The following ANKRD13C variants were observed in gnomAD, a reference collection of about 807,000 sequenced individuals.
ANKRD13C encodes the protein ankyrin repeat domain-containing protein 13C.
Under a neutral mutation model 65.5 loss-of-function variants are expected in ANKRD13C, and 16 were observed. The ratio of observed to expected loss-of-function variants is 0.24; its 90% CI spans 0.17 to 0.37. The LOEUF is 0.37. Ranked by LOEUF, ANKRD13C falls within the 10% of genes least tolerant of loss-of-function variation. The pLI is 1.00. For missense variants in ANKRD13C, 503 were observed against 655.9 expected, an observed-to-expected ratio of 0.77 and a Z score of 2.55; for synonymous variants, 235 against 238.7, an observed-to-expected ratio of 0.98 and a Z score of 0.14.
At chr1:70,312,450 G>A (rs1325710981) in intron 5 of ANKRD13C, among the ~76,000 whole-genome samples, 4 of 151,074 alleles carry the variant, frequency 2.6e-5, no homozygotes, top group Non-Finnish European at 4.4e-5. Flanking sequence ...AGCACTGGAT[G>A]GGGCTAAGTA....
chr1:70,332,421 G>A (rs1681854750), intron 2 of ANKRD13C, among the ~76,000 whole-genome samples: 1 of 152,052 alleles, frequency 6.6e-6, no homozygotes, highest in East Asian at 1.9e-4. Flanking sequence ...TTTTTCTCCT[G>A]TACTTCAATG....
intron 9 of ANKRD13C, among the ~76,000 whole-genome samples, chr1:70,282,413 A>C (rs748452906): frequency 1.3e-5 from 2 of 152,164 alleles, no homozygotes; most frequent in Non-Finnish European, 2.9e-5. Flanking sequence ...GGCAGAGAAG[A>C]CAAAAGAAAA....
At chr1:70,312,123 TAAC>T (rs1035505375) in intron 5 of ANKRD13C, among the ~76,000 whole-genome samples, 87 of 152,290 alleles carry the variant, frequency 5.7e-4, no homozygotes, top group African/African-American at 2.0e-3. Context: ...TTAGAAGAAA[TAAC>T]AAGTATAATT....
In ANKRD13C at chr1:70,262,158, T is replaced by C. The variant is rs1009396190; in HGVS notation, c.*559A>G. On this transcript the variant is annotated 3_prime_UTR_variant, in exon 13 of 13. Coordinates refer to ENST00000370944, the MANE Select transcript of ANKRD13C (RefSeq NM_030816.5). ...ATTTGGTTCATTCATCTACAGAAAATTGCATTCCTTCTAGTTCATTATATT... is the reference window on the plus strand; with the variant it reads ...ATTTGGTTCATTCATCTACAGAAAACTGCATTCCTTCTAGTTCATTATATT... The C allele has an allele frequency of 2.6e-5, 4 of 152,568 alleles. No individual in the cohort carries two copies. In the East Asian group the frequency reaches 5.8e-4, roughly 22 times the overall value. The allele number at this position is 152,568 out of a possible 1,614,324, so 9.5% of individuals were successfully genotyped here.
chr1:70,274,858 A>G (rs1178852821), intron 10 of ANKRD13C, 40 bp from the exon 11 acceptor site: 4 of 1,253,644 alleles, frequency 3.2e-6, no homozygotes, highest in African/African-American at 3.0e-5. Context: ...AACTTTTTCC[A>G]TAGTCTATCA....
intron 3 of ANKRD13C, among the ~76,000 whole-genome samples, chr1:70,318,679 G>GTTTTTTTTTTTTTTTTTTTTTTTTT (rs11337993): frequency 1.1e-5 from 1 of 94,210 alleles, no homozygotes; most frequent in Non-Finnish European, 2.0e-5. Context: ...ATCAATCTTT[G>GTTTTTTTTTTTTTTTTTTTTTTTTT]TTTTTTTTTT....
chr1:70,341,468 T>C (rs1478801255), intron 1 of ANKRD13C, among the ~76,000 whole-genome samples: 3 of 151,520 alleles, frequency 2.0e-5, no homozygotes, highest in Non-Finnish European at 4.4e-5. Context: ...TTCAAGCGAT[T>C]CTCCTGCCTC....
At chr1:70,272,154 G>T (rs1678909575) in intron 11 of ANKRD13C, among the ~76,000 whole-genome samples, 1 of 149,076 alleles carries the variant, frequency 6.7e-6, no homozygotes. Flanking sequence ...GGCATTTATA[G>T]GTAATTTTCT....
intron 9 of ANKRD13C, among the ~76,000 whole-genome samples, chr1:70,288,781 A>T (rs987385718): frequency 1.3e-5 from 2 of 152,220 alleles, no homozygotes; most frequent in African/African-American, 4.8e-5. Flanking sequence ...AAAGAGGTAC[A>T]TGAGGGATCG....
intron 2 of ANKRD13C, among the ~76,000 whole-genome samples, chr1:70,335,619 C>T (rs1245943239): frequency 6.6e-6 from 1 of 150,908 alleles, no homozygotes; most frequent in Non-Finnish European, 1.5e-5. Flanking sequence ...ATAATGACTA[C>T]TTTAATAAAT....
intron 6 of ANKRD13C, among the ~76,000 whole-genome samples, chr1:70,303,503 A>T (rs555080509): frequency 1.6e-4 from 25 of 152,208 alleles, no homozygotes; most frequent in Non-Finnish European, 2.9e-4. Flanking sequence ...AAGTGTACAA[A>T]TATACTTTCA....
chr1:70,303,040 G>A (rs1019608058), intron 6 of ANKRD13C, among the ~76,000 whole-genome samples: 3 of 152,092 alleles, frequency 2.0e-5, no homozygotes, highest in African/African-American at 7.2e-5. Context: ...GAAAGACAAA[G>A]ACAGACTGAC....
chr1:70,302,326 G>GC lies in ANKRD13C; in HGVS notation c.777-1419dup, dbSNP rs577534911. ...AGGGGCGGCGGGGGGGCGGGGGGCT[G>GC]CCTGTTGCTTTATAGCTGAATTCTA... On this transcript the variant is annotated intron_variant, in intron 6 of 12. Coordinates refer to ENST00000370944, the MANE Select transcript of ANKRD13C (RefSeq NM_030816.5). Among the ~76,000 whole-genome samples, 72 of 152,142 alleles carry GC rather than the reference G, an allele frequency of 4.7e-4. 1 individual carries two copies. The South Asian group carries it at 0.014, about 29-fold the overall frequency.
At chr1:70,274,648 T>A in intron 11 of ANKRD13C, 72 bp downstream of exon 11, 9 of 1,140,016 alleles carry the variant, frequency 7.9e-6, no homozygotes, top group Non-Finnish European at 1.2e-5. Context: ...ACCACTGGGG[T>A]GCAAATATTA....
chr1:70,315,703 G>T (rs1269592566), intron 3 of ANKRD13C, 137 bp from the exon 4 acceptor site: 1 of 564,040 alleles, frequency 1.8e-6, no homozygotes, highest in East Asian at 3.2e-5. Context: ...GTGTATGTGT[G>T]TATCTACATC....
chr1:70,301,197 A>T (rs930085727), intron 6 of ANKRD13C, among the ~76,000 whole-genome samples: 1 of 147,150 alleles, frequency 6.8e-6, no homozygotes, highest in Admixed American at 6.6e-5. Context: ...ATATATATAC[A>T]CATACACACA....
intron 6 of ANKRD13C, among the ~76,000 whole-genome samples, chr1:70,303,846 A>T (rs1257911550): frequency 6.6e-6 from 1 of 152,220 alleles, no homozygotes; most frequent in African/African-American, 2.4e-5. Context: ...TTTGTCATAC[A>T]TCCTAAAAGC....
intron 2 of ANKRD13C, among the ~76,000 whole-genome samples, chr1:70,326,108 GT>G (rs1474813696): frequency 6.6e-6 from 1 of 150,702 alleles, no homozygotes; most frequent in East Asian, 2.0e-4. Flanking sequence ...GCGCATGACT[GT>G]AATCCCAGCT....
At chr1:70,278,364 G>A (rs372018931) in intron 9 of ANKRD13C, among the ~76,000 whole-genome samples, 4 of 151,398 alleles carry the variant, frequency 2.6e-5, no homozygotes, top group African/African-American at 7.3e-5. Context: ...GTAGTGGCTC[G>A]CACCTGTAAT....
Sources: gnomAD v4.1 joint callset for allele counts (sites outside exome capture counted in the v4.1 genomes callset) on GRCh38, gnomAD v4.1.1 for gene constraint, MANE v1.5 for transcripts, NCBI Gene and HGNC (gene_info 2026-07-23, HGNC 2026-07-21) for gene names.